Variants in GRID1 observed in about 807,000 individuals in gnomAD.
GRID1 encodes the protein glutamate receptor ionotropic, delta-1.
A neutral mutation model predicts 98.0 loss-of-function variants in GRID1; 28 were observed. The observed-to-expected ratio is 0.29, with a 90% CI of 0.21 to 0.39. The LOEUF is 0.39. GRID1 is among the 10% of genes least tolerant of loss of function. GRID1 has a pLI of 1.00. For missense variants in GRID1, 1,111 were observed against 1,340.5 expected (o/e 0.83, Z 2.67); for synonymous variants, 553 against 538.5 (o/e 1.03, Z -0.37).
intron 12 of GRID1, among the ~76,000 whole-genome samples, chr10:85,648,788 C>T (rs1843229052): frequency 6.6e-6 from 1 of 152,224 alleles, no homozygotes; most frequent in Admixed American, 6.5e-5. Flanking sequence ...GGGGAGCCAT[C>T]CGCACCCCAG....
chr10:86,188,633 G>A (rs1031900591), intron 3 of GRID1, among the ~76,000 whole-genome samples: 3 of 152,180 alleles, frequency 2.0e-5, no homozygotes, highest in African/African-American at 4.8e-5. Flanking sequence ...CTCGGGGCCC[G>A]AGCAGGTTGG....
At chr10:86,245,765 G>A (rs2132045238) in intron 2 of GRID1, among the ~76,000 whole-genome samples, 1 of 152,336 alleles carries the variant, frequency 6.6e-6, no homozygotes, top group African/African-American at 2.4e-5. Flanking sequence ...AGAAGTTTGG[G>A]CAGAAAGGAA....
intron 8 of GRID1, among the ~76,000 whole-genome samples, chr10:85,776,893 T>G (rs1472480595): frequency 2.6e-5 from 4 of 152,266 alleles, no homozygotes; most frequent in African/African-American, 7.2e-5. Context: ...AGCCAAGCTT[T>G]CTGGGGACAC....
intron 12 of GRID1, among the ~76,000 whole-genome samples, chr10:85,693,962 G>A (rs1841361176): frequency 6.6e-6 from 1 of 152,172 alleles, no homozygotes; most frequent in African/African-American, 2.4e-5. Context: ...CAAAGCTAAA[G>A]AAGTAGTCAA....
intron 12 of GRID1, among the ~76,000 whole-genome samples, chr10:85,661,082 C>T (rs1362122938): frequency 4.6e-5 from 7 of 152,036 alleles, no homozygotes; most frequent in East Asian, 1.9e-4. Flanking sequence ...AATGATGCTA[C>T]GTCAGTGCTT....
At chr10:85,726,927 C>T (rs550932154) in intron 10 of GRID1, among the ~76,000 whole-genome samples, 1 of 152,228 alleles carries the variant, frequency 6.6e-6, no homozygotes, top group South Asian at 2.1e-4. Context: ...GAATTTATCA[C>T]AGTAAAGGTG....
At chr10:85,894,835 C>T (rs1394204768) in intron 5 of GRID1, among the ~76,000 whole-genome samples, 1 of 151,372 alleles carries the variant, frequency 6.6e-6, no homozygotes, top group Non-Finnish European at 1.5e-5. Flanking sequence ...TGGTGAAACC[C>T]CGTCTCTACT....
At chr10:86,236,301 G>A (rs1846536155) in intron 2 of GRID1, among the ~76,000 whole-genome samples, 3 of 152,196 alleles carry the variant, frequency 2.0e-5, no homozygotes, top group Admixed American at 2.0e-4. Flanking sequence ...TATAAAATAT[G>A]TGATTTGCAC....
chr10:85,694,879 T>C (rs11201733), intron 12 of GRID1, among the ~76,000 whole-genome samples: 8,902 of 151,732 alleles, frequency 0.059, 490 homozygotes, highest in African/African-American at 0.14. Flanking sequence ...ATTTGAGTGA[T>C]GGTAAGACTA....
At position 86,139,036 on chromosome 10, in the gene GRID1, G is replaced by A; in HGVS notation, c.521-12C>T. ...AAGCCCACGGATATCTGAGCAGTGA[G>A]AGAAGAGGAGGAAAAGAAAAATCAT... On this transcript the variant is annotated splice_polypyrimidine_tract_variant and intron_variant, in intron 3 of 15. Coordinates refer to ENST00000327946, the MANE Select transcript of GRID1 (RefSeq NM_017551.3). 1 of 1,595,902 alleles carries A rather than the reference G, an allele frequency of 6.3e-7. No homozygotes were observed. Among genetic ancestry groups the A allele is most frequent in the East Asian group, 2.2e-5 (1 of 44,762 alleles).
At chr10:86,243,884 C>T (rs1367859351) in intron 2 of GRID1, among the ~76,000 whole-genome samples, 1 of 152,230 alleles carries the variant, frequency 6.6e-6, no homozygotes, top group Non-Finnish European at 1.5e-5. Context: ...TTAATCCAGC[C>T]TTCCCCAGTC....
intron 12 of GRID1, among the ~76,000 whole-genome samples, chr10:85,671,379 T>A (rs969255700): frequency 1.3e-5 from 2 of 152,172 alleles, no homozygotes; most frequent in African/African-American, 4.8e-5. Context: ...ACTTTTAAAA[T>A]TATTACTATT....
intron 8 of GRID1, among the ~76,000 whole-genome samples, chr10:85,757,605 A>G (rs1842111278): frequency 6.6e-6 from 1 of 152,252 alleles, no homozygotes; most frequent in Admixed American, 6.5e-5. Flanking sequence ...GTTCAGCAGC[A>G]TCCTGAATAA....
At chr10:86,242,377 C>T (rs191435346) in intron 2 of GRID1, among the ~76,000 whole-genome samples, 20 of 152,222 alleles carry the variant, frequency 1.3e-4, no homozygotes, top group Non-Finnish European at 2.5e-4. Context: ...CTGACCCAGA[C>T]GCTGACCTTG....
chr10:85,672,453 G>T (rs949942955), intron 12 of GRID1, among the ~76,000 whole-genome samples: 5 of 152,126 alleles, frequency 3.3e-5, no homozygotes, highest in Admixed American at 6.6e-5. Flanking sequence ...GACTACAGGT[G>T]CCCACCACCA....
rs979642414 is a variant in GRID1 at position 86,195,714 on chromosome 10, G to A, written c.520+10650C>T. ...GAACTGGGTACGTGAAGGGCTGAGA[G>A]GAGACATAATGTTACCCACATGGCT... On this transcript the variant is annotated intron_variant, in intron 3 of 15. Transcript: ENST00000327946. The surrounding 1 kb of genome is among the most constrained non-coding windows in gnomAD (Gnocchi z 4.4). 6.6e-6 allele frequency among the ~76,000 whole-genome samples: 1 copy of A among 152,128 alleles called. No homozygotes were observed. Among genetic ancestry groups the A allele is most frequent in the Non-Finnish European group, 1.5e-5 (1 of 68,000 alleles).
rs547976909 is a variant in GRID1, at chr10:86,168,876, G to A, written c.521-29852C>T. On this transcript the variant is annotated intron_variant, in intron 3 of 15. Coordinates refer to ENST00000327946, the MANE Select transcript of GRID1 (RefSeq NM_017551.3). The stretch of plus-strand genomic sequence containing the variant: ...GGGCACAGGTGACAGCACCATTCAG[G>A]GAGACTCCCTGGGCACAGAGTATGA... Among the ~76,000 whole-genome samples, 8 of 152,302 alleles carry A rather than the reference G, an allele frequency of 5.3e-5. No individual in the cohort carries two copies. In the East Asian group the frequency reaches 1.4e-3, roughly 26 times the overall value.
chr10:86,220,487 C>G (rs1160265327), intron 2 of GRID1, among the ~76,000 whole-genome samples: 3 of 152,170 alleles, frequency 2.0e-5, no homozygotes, highest in Admixed American at 6.5e-5. Flanking sequence ...CCAGTAAGTA[C>G]AGGTAACTTA....
chr10:85,623,543 G>T (rs909278116), intron 13 of GRID1, among the ~76,000 whole-genome samples: 1 of 152,148 alleles, frequency 6.6e-6, no homozygotes, highest in East Asian at 1.9e-4. Flanking sequence ...CGGGGGGCTG[G>T]GGGGAGGACA....
Sources: allele counts gnomAD v4.1 joint callset (sites outside exome capture counted in the v4.1 genomes callset), GRCh38; gene constraint gnomAD v4.1.1; non-coding constraint Gnocchi (gnomAD v3.1); transcripts MANE v1.5; gene names NCBI Gene and HGNC (gene_info 2026-07-23, HGNC 2026-07-21).